Variants in AXL observed in about 807,000 individuals in gnomAD.
AXL encodes the protein tyrosine-protein kinase receptor UFO.
A neutral mutation model predicts 104.5 loss-of-function variants in AXL; 52 were observed. The ratio of observed to expected loss-of-function variants is 0.50; its 90% confidence interval spans 0.40 to 0.63. AXL has a LOEUF of 0.63. Among genes scored for constraint, AXL ranks in the 20% least tolerant of loss-of-function variants. The pLI is 0.00. For missense variants in AXL, 1,024 were observed against 1,188.5 expected (o/e 0.86, Z 2.04); for synonymous variants, 455 against 473.7 (o/e 0.96, Z 0.51).
chr19:41,241,502 C>A (rs2034179901), intron 10 of AXL, among the ~76,000 whole-genome samples: 3 of 146,442 alleles, frequency 2.0e-5, no homozygotes, highest in African/African-American at 7.7e-5. Context: ...CAAGATCATG[C>A]CACTATACTC....
At chr19:41,235,754 C>T (rs1232943145) in intron 6 of AXL, among the ~76,000 whole-genome samples, 1 of 152,200 alleles carries the variant, frequency 6.6e-6, no homozygotes, top group African/African-American at 2.4e-5. Flanking sequence ...CTCTGGGCCT[C>T]AGTGTTGTCA....
chr19:41,230,120 T>A (rs1330662709), intron 4 of AXL, among the ~76,000 whole-genome samples: 2 of 150,298 alleles, frequency 1.3e-5, no homozygotes, highest in Non-Finnish European at 3.0e-5. Context: ...TCTGTGTGTG[T>A]GAGACACAGT....
chr19:41,231,407 G>A (rs1405307460), intron 6 of AXL, 109 bp downstream of exon 6: 5 of 1,019,732 alleles, frequency 4.9e-6, no homozygotes, highest in Non-Finnish European at 5.7e-6. Context: ...CTGTTGAGAA[G>A]CAGTAGAGCC....
intron 10 of AXL, among the ~76,000 whole-genome samples, chr19:41,240,599 G>A (rs1381319797): frequency 1.3e-5 from 2 of 152,090 alleles, no homozygotes; most frequent in Non-Finnish European, 2.9e-5. Context: ...GTTCACTCTT[G>A]TAACTCAACC....
chr19:41,238,475 C>G lies in AXL; in HGVS notation c.1000C>G (p.Leu334Val). 1 of 1,610,740 alleles carries G rather than the reference C, an allele frequency of 6.2e-7. No individual in the cohort carries two copies. The highest frequency in any genetic ancestry group is 2.2e-5 in the East Asian group (1 of 44,726). ...CCCTCTTCCCTGTCCTCCAGTGCCC[C>G]TGGGCCCCCCTGAGAACATTAGTGC... ...LPVETPEGVPLGPPENISATR... is the reference protein window; with the variant it reads ...LPVETPEGVPVGPPENISATR... Residue 334 changes from leucine (L) to valine (V), a missense_variant, in exon 8 of 20, where the codon CTG (leucine) becomes GTG (valine). Around this residue, in one of 5 missense-constraint regions of AXL, gnomAD observed 332 missense variants for 343.9 expected, o/e 0.97. Transcript: ENST00000301178.
intron 6 of AXL, among the ~76,000 whole-genome samples, chr19:41,232,694 A>G (rs1028285114): frequency 9.2e-5 from 14 of 152,186 alleles, no homozygotes; most frequent in African/African-American, 3.4e-4. Flanking sequence ...ATCTGTAAAT[A>G]TAAGGCCTAA....
At position 41,238,450 on chromosome 19, in the gene AXL, C is replaced by G; in HGVS notation, c.995-20C>G. ...AGGAAGAGGTGGGGGTGCCAGCTTC[C>G]CCTCTTCCCTGTCCTCCAGTGCCCC... On this transcript the variant is annotated intron_variant, in intron 7 of 19. Coordinates refer to ENST00000301178, the MANE Select transcript of AXL (RefSeq NM_021913.5). The G allele has an allele frequency of 1.3e-6, 2 of 1,600,004 alleles. No individual in the cohort carries two copies. Among genetic ancestry groups the G allele is most frequent in the Non-Finnish European group, 1.7e-6 (2 of 1,169,260 alleles).
rs188947501 is a variant in AXL at position 41,260,473 on chromosome 19, G to A, written c.*569G>A. The A allele has an allele frequency of 2.9e-3, 452 of 153,454 alleles. 7 individuals carry two copies. The highest frequency in any genetic ancestry group is 0.024 in the Admixed American group (365 of 15,222). 9.5% of individuals were successfully genotyped at this position (153,454 alleles called of 1,614,324 possible). ...ATTACAGGTGTGTGCCACCACACCCGGCTAATTTTTATATTTTTAGTAGAG... is the reference window on the plus strand; with the variant it reads ...ATTACAGGTGTGTGCCACCACACCCAGCTAATTTTTATATTTTTAGTAGAG... On this transcript the variant is annotated 3_prime_UTR_variant, in exon 20 of 20. Coordinates refer to ENST00000301178, the MANE Select transcript of AXL (RefSeq NM_021913.5).
In AXL at chr19:41,238,058, C is replaced by T; in HGVS notation, c.898C>T (p.His300Tyr). ...PPHQLRLGSL[H>Y]PHTPYHIRVA... is the part of the protein sequence containing the mutation. ...CCATCAGCTTCGGCTAGGCAGCCTC[C>T]ATCCTCACACCCCTTATCACATCCG... Residue 300 changes from histidine (H) to tyrosine (Y), a missense_variant, in exon 7 of 20, where the codon CAT becomes TAT. Physicochemically the swap from His to Tyr is moderately conservative, Grantham distance 83. Around this residue, in one of 5 missense-constraint regions of AXL, gnomAD observed 332 missense variants for 343.9 expected, o/e 0.97. Transcript: ENST00000301178. 1 of 1,614,078 alleles carries T rather than the reference C, an allele frequency of 6.2e-7. No homozygotes were observed. The highest frequency in any genetic ancestry group is 1.1e-5 in the South Asian group (1 of 91,078).
At chr19:41,238,419 G>T (rs372808802) in intron 7 of AXL, 51 bp from the exon 8 acceptor site, 69 of 1,588,696 alleles carry the variant, frequency 4.3e-5, no homozygotes, top group African/African-American at 1.3e-5. Context: ...AACAGGGGAG[G>T]GGGTCAGGAA....
intron 1 of AXL, chr19:41,220,274 C>CA: frequency 4.3e-6 from 1 of 234,898 alleles, no homozygotes; most frequent in Non-Finnish European, 8.4e-6. Flanking sequence ...CTCTCTCCCC[C>CA]AACCCCTGAT....
chr19:41,249,245 C>G (rs542934854), intron 14 of AXL, among the ~76,000 whole-genome samples: 1 of 151,334 alleles, frequency 6.6e-6, no homozygotes, highest in African/African-American at 2.4e-5. Flanking sequence ...TTGAGACCAG[C>G]CTAGGCAATA....
intron 10 of AXL, among the ~76,000 whole-genome samples, chr19:41,241,020 G>A (rs1322448794): frequency 6.6e-6 from 1 of 151,576 alleles, no homozygotes; most frequent in East Asian, 1.9e-4. Flanking sequence ...CCCTTTCTGT[G>A]CACCCCATAC....
chr19:41,228,943 T>G (rs560771391), intron 4 of AXL, among the ~76,000 whole-genome samples: 2 of 118,482 alleles, frequency 1.7e-5, no homozygotes, highest in African/African-American at 6.2e-5. Context: ...TTTCTTTGTC[T>G]TTTCTTTTCT....
intron 4 of AXL, among the ~76,000 whole-genome samples, chr19:41,225,886 C>T (rs2033870750): frequency 6.6e-6 from 1 of 152,044 alleles, no homozygotes; most frequent in Non-Finnish European, 1.5e-5. Flanking sequence ...CGTTTGTGTG[C>T]GTCTGTCCCT....
intron 6 of AXL, among the ~76,000 whole-genome samples, chr19:41,232,102 C>A (rs539414419): frequency 6.6e-6 from 1 of 152,266 alleles, no homozygotes; most frequent in Admixed American, 6.5e-5. Flanking sequence ...CTTCTCCCAT[C>A]CCAGCCCTGG....
Position 41,253,734 on chromosome 19 carries a change from C to G in AXL, c.2036+26C>G, listed in dbSNP as rs373717961. 5.6e-5 allele frequency: 86 copies of G among 1,534,946 alleles called. No individual in the cohort carries two copies. In the East Asian group the frequency reaches 6.9e-4, roughly 12 times the overall value. On this transcript the variant is annotated intron_variant, in intron 17 of 19. Transcript: ENST00000301178. ...GTGAGTGCCTTTCAGGGACCCCCCC[C>G]CCCCAACTGCTCCTGCACTCCCTGA...
chr19:41,224,808 G>C (rs1230349342), intron 4 of AXL, among the ~76,000 whole-genome samples: 4 of 151,814 alleles, frequency 2.6e-5, no homozygotes, highest in African/African-American at 9.7e-5. Flanking sequence ...GTGTGTGTGT[G>C]TAACAGCACC....
chr19:41,226,541 A>T (rs995740827), intron 4 of AXL, among the ~76,000 whole-genome samples: 1 of 152,150 alleles, frequency 6.6e-6, no homozygotes, highest in Non-Finnish European at 1.5e-5. Flanking sequence ...CAGACTTTGC[A>T]CCATTCCACT....
Sources: gnomAD v4.1 joint callset for allele counts (sites outside exome capture counted in the v4.1 genomes callset) on GRCh38, gnomAD v4.1.1 for gene constraint, gnomAD v4.1.1 regional missense constraint, MANE v1.5 for transcripts, NCBI Gene and HGNC (gene_info 2026-07-23, HGNC 2026-07-21) for gene names.